Variants in FSIP2 observed in about 807,000 individuals in gnomAD.
The protein encoded by FSIP2 is fibrous sheath interacting protein 2.
Under a neutral mutation model 510.5 loss-of-function variants are expected in FSIP2, and 367 were observed. The observed-to-expected ratio is 0.72, with a 90% CI of 0.66 to 0.78. The LOEUF is 0.78. Among genes scored for constraint, FSIP2 ranks in the 30% least tolerant of loss-of-function variants. The probability of loss-of-function intolerance (pLI) is 0.00; values close to 1 mark genes in which losing one functional copy is unlikely to be tolerated. For missense variants in FSIP2, 7,594 were observed against 7,901.7 expected, an observed-to-expected ratio of 0.96 and a Z score of 1.48; for synonymous variants, 2,601 against 2,732.2, an observed-to-expected ratio of 0.95 and a Z score of 1.50.
intron 2 of FSIP2, among the ~76,000 whole-genome samples, chr2:185,741,984 C>T (rs1574150251): frequency 6.6e-6 from 1 of 152,106 alleles, no homozygotes; most frequent in Admixed American, 6.6e-5. Flanking sequence ...CTAGACATGT[C>T]GGGATTGGTG....
chr2:185,766,095 G>A (rs1232781973), intron 13 of FSIP2: 1 of 151,976 alleles, frequency 6.6e-6, no homozygotes, highest in East Asian at 1.9e-4. Context: ...TGCAAACAGG[G>A]ACAATTTGAC....
At chr2:185,745,977 TA>T (rs1275219648) in intron 5 of FSIP2, among the ~76,000 whole-genome samples, 1 of 152,118 alleles carries the variant, frequency 6.6e-6, no homozygotes, top group Non-Finnish European at 1.5e-5. Context: ...GTGCTGTCTA[TA>T]AAAAAGATTG....
chr2:185,760,826 T>C (rs1371997726), intron 9 of FSIP2, among the ~76,000 whole-genome samples, 162 bp from the exon 10 acceptor site: 3 of 150,548 alleles, frequency 2.0e-5, no homozygotes, highest in Non-Finnish European at 3.0e-5. Flanking sequence ...CTAGGGATAA[T>C]AGACATGTTA....
intron 19 of FSIP2, among the ~76,000 whole-genome samples, chr2:185,820,937 A>G (rs991610723): frequency 6.6e-6 from 1 of 151,168 alleles, no homozygotes; most frequent in African/African-American, 2.4e-5. Context: ...AGGAAATAAT[A>G]AAGATTAGAC....
Position 185,806,424 on chromosome 2 carries a change from C to A in FSIP2, c.17118C>A (p.Asp5706Glu). ...EPAYYSKLSYDQSPPGDNVLN... is the reference protein window; with the variant it reads ...EPAYYSKLSYEQSPPGDNVLN... ...CATATTATTCGAAACTCAGTTATGACCAAAGCCCCCCAGGTGATAATGTAT... is the reference window on the plus strand; with the variant it reads ...CATATTATTCGAAACTCAGTTATGAACAAAGCCCCCCAGGTGATAATGTAT... Residue 5706 changes from aspartate (D) to glutamate (E), a missense_variant, in exon 17 of 23, where the codon GAC (aspartate) becomes GAA (glutamate). Coordinates refer to ENST00000424728, the MANE Select transcript of FSIP2 (RefSeq NM_173651.4). The A allele has an allele frequency of 6.2e-7, 1 of 1,612,034 alleles. No individual in the cohort carries two copies. Among genetic ancestry groups the A allele is most frequent in the South Asian group, 1.1e-5 (1 of 91,008 alleles).
At chr2:185,783,136 T>C (rs557499432) in intron 14 of FSIP2, among the ~76,000 whole-genome samples, 32 of 152,290 alleles carry the variant, frequency 2.1e-4, no homozygotes, top group African/African-American at 7.2e-4. Flanking sequence ...CTAAGGCTGG[T>C]AAAATAGTTT....
chr2:185,747,107 A>T (rs58696152), intron 6 of FSIP2, among the ~76,000 whole-genome samples: 1 of 151,846 alleles, frequency 6.6e-6, no homozygotes, highest in Non-Finnish European at 1.5e-5. Flanking sequence ...TTTGAAATTT[A>T]GCTTTAGTAA....
chr2:185,780,587 T>C (rs1031483534), intron 13 of FSIP2, among the ~76,000 whole-genome samples: 1 of 151,882 alleles, frequency 6.6e-6, no homozygotes, highest in Non-Finnish European at 1.5e-5. Flanking sequence ...TATTTAAACA[T>C]ATAAAGTCCT....
intron 7 of FSIP2, among the ~76,000 whole-genome samples, chr2:185,749,071 G>T (rs1408837450): frequency 1.3e-5 from 2 of 151,738 alleles, no homozygotes; most frequent in Non-Finnish European, 2.9e-5. Context: ...ACAATTCTTT[G>T]AATCTGTCAT....
At position 185,807,550 on chromosome 2, in the gene FSIP2, C is replaced by A; in HGVS notation, c.18244C>A (p.Gln6082Lys). 1 of 1,611,000 alleles carries A rather than the reference C, an allele frequency of 6.2e-7. No homozygotes were observed. Among genetic ancestry groups the A allele is most frequent in the South Asian group, 1.1e-5 (1 of 90,724 alleles). Residue 6082 changes from glutamine to lysine, a missense_variant, in exon 17 of 23, where the codon CAA becomes AAA. Gln to Lys is a moderately conservative substitution (Grantham distance 53, BLOSUM62 1). Transcript: ENST00000424728. ...TLQSDDDEII[Q>K]LVVQSVYNNL... is the part of the protein sequence containing the mutation. The stretch of plus-strand genomic sequence containing the variant: ...ACAATCTGATGATGATGAAATTATT[C>A]AATTAGTGGTTCAGTCTGTTTATAA...
Position 185,796,518 on chromosome 2 carries a change from C to A in FSIP2, c.9382C>A (p.Gln3128Lys). The change falls in exon 16 of 23, where the codon CAG becomes AAG. Residue 3128 changes from glutamine to lysine, a missense_variant. Gln to Lys is a moderately conservative substitution (Grantham distance 53). Coordinates refer to ENST00000424728, the MANE Select transcript of FSIP2 (RefSeq NM_173651.4). Reference sequence around the variant, plus strand: ...TGAGATCATTGGCACACTAATGGACCAGTGTACTTATTTCAATGAGTCTTT... The same window carrying A: ...TGAGATCATTGGCACACTAATGGACAAGTGTACTTATTTCAATGAGTCTTT... ...ASEIIGTLMDQCTYFNESLIQ... is the reference protein window; with the variant it reads ...ASEIIGTLMDKCTYFNESLIQ... The A allele has an allele frequency of 6.5e-7, 1 of 1,534,262 alleles. No homozygotes were observed. The highest frequency in any genetic ancestry group is 8.7e-7 in the Non-Finnish European group (1 of 1,145,550).
Position 185,803,732 on chromosome 2 carries a change from A to G in FSIP2, c.14426A>G (p.Asn4809Ser). Residue 4809 changes from asparagine to serine, a missense_variant, in exon 17 of 23, where the codon AAC becomes AGC. Physicochemically the swap from Asn to Ser is conservative, Grantham distance 46. Coordinates refer to ENST00000424728, the MANE Select transcript of FSIP2 (RefSeq NM_173651.4). ...TQLTSQISPL[N>S]TSAEQSDTTK... ...CTTACATCTCAGATAAGTCCATTGA[A>G]CACCAGTGCAGAGCAGTCAGATACT... 1 of 1,533,042 alleles carries G rather than the reference A, an allele frequency of 6.5e-7. No individual in the cohort carries two copies. The highest frequency in any genetic ancestry group is 1.2e-5 in the South Asian group (1 of 83,950). The allele number at this position is 1,533,042 out of a possible 1,614,324, so 95.0% of individuals were successfully genotyped here. A position where few individuals can be genotyped will look rare whatever the true frequency, so the allele number is the denominator to read the frequency against.
chr2:185,746,979 A>G (rs74704320), intron 6 of FSIP2, among the ~76,000 whole-genome samples, 169 bp downstream of exon 6: 4 of 152,112 alleles, frequency 2.6e-5, no homozygotes, highest in African/African-American at 9.7e-5. Flanking sequence ...ACATAAAATA[A>G]TGAGGTGGAT....
chr2:185,794,737 A>G lies in FSIP2; in HGVS notation c.7601A>G (p.His2534Arg), dbSNP rs956883795. Residue 2534 changes from histidine to arginine, a missense_variant, in exon 16 of 23, where the codon CAT (histidine) becomes CGT (arginine). Coordinates refer to ENST00000424728, the MANE Select transcript of FSIP2 (RefSeq NM_173651.4). ...ACACAGAAAAACAGTTTTCAATCAC[A>G]TATTAACAGTGTAGCAAATGACATA... is the stretch of plus-strand genomic sequence containing the variant. ...DTTQKNSFQS[H>R]INSVANDIVE... The G allele has an allele frequency of 2.0e-6, 3 of 1,534,190 alleles. No homozygotes were observed. Among genetic ancestry groups the G allele is most frequent in the African/African-American group, 2.7e-5 (2 of 73,024 alleles).
Position 185,802,463 on chromosome 2 carries a change from G to A in FSIP2, c.13157G>A (p.Gly4386Glu), listed in dbSNP as rs751057148. Residue 4386 changes from glycine (G) to glutamate (E), a missense_variant, in exon 17 of 23, where the codon GGG becomes GAG. Transcript: ENST00000424728. The stretch of plus-strand genomic sequence containing the variant: ...TATAGAAATGCTTTAAAGCAGCATG[G>A]GCTAGACCTTGCTGTTGATAAAGAG... ...SVYRNALKQH[G>E]LDLAVDKESE... 1.3e-6 allele frequency: 2 copies of A among 1,533,824 alleles called. No homozygotes were observed. Among genetic ancestry groups the A allele is most frequent in the South Asian group, 2.4e-5 (2 of 83,970 alleles).
intron 13 of FSIP2, among the ~76,000 whole-genome samples, chr2:185,779,218 G>A (rs951062311): frequency 6.6e-6 from 1 of 150,642 alleles, no homozygotes; most frequent in African/African-American, 2.4e-5. Flanking sequence ...CCTTATTTGT[G>A]GTTTCTTTGT....
At chr2:185,767,375 TA>T (rs1233674878) in intron 13 of FSIP2, among the ~76,000 whole-genome samples, 1 of 152,138 alleles carries the variant, frequency 6.6e-6, no homozygotes, top group African/African-American at 2.4e-5. Context: ...TAGCAGTTTT[TA>T]ATGACACAAT....
intron 14 of FSIP2, among the ~76,000 whole-genome samples, chr2:185,785,586 AT>A (rs1477713360): frequency 6.6e-6 from 1 of 150,912 alleles, no homozygotes; most frequent in Non-Finnish European, 1.5e-5. Context: ...TTTTTCTATT[AT>A]TTTTATGATT....
rs1438867721 is a variant in FSIP2 at position 185,790,745 on chromosome 2, T to A, written c.3609T>A (p.His1203Gln). The A allele has an allele frequency of 6.5e-6, 10 of 1,532,514 alleles. No individual in the cohort carries two copies. Among genetic ancestry groups the A allele is most frequent in the Non-Finnish European group, 3.5e-6 (4 of 1,144,388 alleles). 94.9% of individuals were successfully genotyped at this position (1,532,514 alleles called of 1,614,324 possible). A position where few individuals can be genotyped will look rare whatever the true frequency, so the allele number is the denominator to read the frequency against. Residue 1203 changes from histidine to glutamine, a missense_variant, in exon 16 of 23, where the codon CAT (histidine) becomes CAA (glutamine). Physicochemically the swap from His to Gln is conservative, Grantham distance 24. Coordinates refer to ENST00000424728, the MANE Select transcript of FSIP2 (RefSeq NM_173651.4). ...CATCAGTTCATCAGATTTCCTTACA[T>A]AATTCTGACACTGAACACATAGTCA... ...ISSSVHQISL[H>Q]NSDTEHIVKE... is the part of the protein sequence containing the mutation.
Sources: allele counts gnomAD v4.1 joint callset (sites outside exome capture counted in the v4.1 genomes callset), GRCh38; gene constraint gnomAD v4.1.1; transcripts MANE v1.5; gene names NCBI Gene and HGNC (gene_info 2026-07-23, HGNC 2026-07-21).